The following SF1 variants were observed in gnomAD, a reference collection of about 807,000 sequenced individuals.
SF1 encodes the protein branch point-binding protein.
Under a neutral mutation model 62.5 loss-of-function variants are expected in SF1, and 7 were observed. The observed-to-expected ratio is 0.11, with a 90% confidence interval of 0.06 to 0.21. The LOEUF is 0.21. Among genes scored for constraint, SF1 ranks in the 10% least tolerant of loss-of-function variants. The pLI, the probability that SF1 is intolerant of heterozygous loss-of-function variation, is 1.00. For synonymous variants in SF1, 394 were observed against 323.6 expected (o/e 1.22, Z -2.33); for missense variants, 578 against 884.0 (o/e 0.65, Z 4.39).
intron 1 of SF1, 138 bp from the exon 2 acceptor site, chr11:64,776,764 A>G: frequency 7.7e-6 from 6 of 775,098 alleles, no homozygotes; most frequent in Non-Finnish European, 1.0e-5. Flanking sequence ...ACATTAAAAA[A>G]ACAGAAAACA....
chr11:64,767,708 G>A lies in SF1; in HGVS notation c.1205C>T (p.Pro402Leu). ...GGPHSFPHPL[P>L]SLTGGHGGHP... Reference sequence around the variant, plus strand: ...TCCACCATGCCCACCTGTCAGGCTGGGTAATGGGTGTGGGAAGCTGTGGGG... The same window carrying A: ...TCCACCATGCCCACCTGTCAGGCTGAGTAATGGGTGTGGGAAGCTGTGGGG... The change falls in exon 10 of 13, where the codon CCC becomes CTC. Residue 402 changes from proline to leucine, a missense_variant. By Grantham distance (98) the Pro-to-Leu change is moderately conservative (BLOSUM62 -3). Coordinates refer to ENST00000377390, the MANE Select transcript of SF1 (RefSeq NM_004630.4). The A allele has an allele frequency of 6.2e-7, 1 of 1,612,708 alleles. No homozygotes were observed.
At chr11:64,769,883 C>A (rs958517713) in intron 5 of SF1, 81 bp downstream of exon 5, 2 of 1,075,252 alleles carry the variant, frequency 1.9e-6, no homozygotes, top group Admixed American at 4.3e-5. Flanking sequence ...AGTAAGCCAA[C>A]AGTCCCCAAT....
intron 12 of SF1, 30 bp downstream of exon 12, chr11:64,766,856 CCCCCATCCCACCCA>C: frequency 3.2e-6 from 2 of 617,312 alleles, no homozygotes; most frequent in Non-Finnish European, 2.8e-6. Flanking sequence ...GTCAGCCCCA[CCCCCATCCCACCCA>C]CCCCCACAAG....
rs1208051705 is a variant in SF1, at chr11:64,767,039, CGGCGGCGGCATCATGCCCATAGGT to C, written c.1419_1442del (p.Met475_Pro482del). On this transcript the variant is annotated inframe_deletion, in exon 12 of 13. Transcript: ENST00000377390. The stretch of plus-strand genomic sequence containing the variant: ...GGGGCTGCCCACTGGGAGGCGGCGG[CGGCGGCGGCATCATGCCCATAGGT>C]GGTGGCGGCATCATACCTGTGGACA... 6.4e-7 allele frequency: 1 copy of C among 1,552,172 alleles called. No homozygotes were observed. Among genetic ancestry groups the C allele is most frequent in the Non-Finnish European group, 8.7e-7 (1 of 1,147,256 alleles).
intron 2 of SF1, 174 bp downstream of exon 2, chr11:64,776,324 G>C (rs1039331899): frequency 1.5e-6 from 1 of 651,142 alleles, no homozygotes; most frequent in Non-Finnish European, 2.7e-6. Context: ...ACCAAAACAA[G>C]GAGCTGCAAA....
intron 2 of SF1, 102 bp from the exon 3 acceptor site, chr11:64,773,607 C>CTT: frequency 1.5e-6 from 2 of 1,342,524 alleles, no homozygotes; most frequent in Non-Finnish European, 2.0e-6. Context: ...AACTCGGAGA[C>CTT]TTTGAAAGGG....
intron 3 of SF1, chr11:64,771,809 A>G: frequency 1.0e-6 from 1 of 985,344 alleles, no homozygotes; most frequent in Non-Finnish European, 1.2e-6. Flanking sequence ...GTGATATAAC[A>G]CCTTTTTAAG....
intron 12 of SF1, 39 bp downstream of exon 12, chr11:64,766,861 A>ACAC: frequency 6.3e-6 from 1 of 158,978 alleles, no homozygotes; most frequent in Non-Finnish European, 1.2e-5. Flanking sequence ...CCCCACCCCC[A>ACAC]TCCCACCCAC....
intron 3 of SF1, chr11:64,772,970 G>A: frequency 2.0e-6 from 2 of 989,018 alleles, no homozygotes; most frequent in Non-Finnish European, 2.4e-6. Context: ...TCAAAACCAT[G>A]AGCAGGAAGA....
chr11:64,777,634 C>T (rs1939527552), intron 1 of SF1: 1 of 985,500 alleles, frequency 1.0e-6, no homozygotes, highest in Admixed American at 6.1e-5. Flanking sequence ...TGCTGGCATT[C>T]ACAGCTAGCA....
chr11:64,776,583 G>C lies in SF1; in HGVS notation c.75C>G (p.Asp25Glu). The change falls in exon 2 of 13, where the codon GAC becomes GAG. Residue 25 changes from aspartate to glutamate, a missense_variant. By Grantham distance (45) the Asp-to-Glu change is conservative. Coordinates refer to ENST00000377390, the MANE Select transcript of SF1 (RefSeq NM_004630.4). ...KKRKRSRWNQ[D>E]TMEQKTVIPG... ...GAATCACTGTCTTCTGTTCCATTGT[G>C]TCTTGGTTCCAGCGGCTCCTCTTCC... 1 of 1,592,156 alleles carries C rather than the reference G, an allele frequency of 6.3e-7. No individual in the cohort carries two copies. The highest frequency in any genetic ancestry group is 8.5e-7 in the Non-Finnish European group (1 of 1,172,522).
At chr11:64,775,033 G>T (rs1938957322) in intron 2 of SF1, among the ~76,000 whole-genome samples, 1 of 151,746 alleles carries the variant, frequency 6.6e-6, no homozygotes, top group East Asian at 1.9e-4. Context: ...CAGAAAAGTA[G>T]TAAGACACAT....
chr11:64,769,897 G>T, intron 5 of SF1, 67 bp downstream of exon 5: 1 of 1,216,372 alleles, frequency 8.2e-7, no homozygotes, highest in Non-Finnish European at 1.2e-6. Flanking sequence ...CCCCAATTAG[G>T]CACAAAACGG....
At chr11:64,772,882 C>T in intron 3 of SF1, 2 of 986,292 alleles carry the variant, frequency 2.0e-6, no homozygotes, top group Non-Finnish European at 2.4e-6. Context: ...CCAACACCCC[C>T]AAGGCAATGG....
chr11:64,777,585 G>C (rs1382692095), intron 1 of SF1: 1 of 985,280 alleles, frequency 1.0e-6, no homozygotes, highest in South Asian at 4.7e-5. Flanking sequence ...AAGACCAGAA[G>C]GGAGTCGCTG....
At chr11:64,775,601 C>A (rs1461953798) in intron 2 of SF1, among the ~76,000 whole-genome samples, 1 of 152,174 alleles carries the variant, frequency 6.6e-6, no homozygotes, top group Non-Finnish European at 1.5e-5. Flanking sequence ...GTTGTGAAGG[C>A]CACAGCCTCG....
chr11:64,778,161 GA>G (rs1565591272), intron 1 of SF1, 200 bp downstream of exon 1: 1 of 886,228 alleles, frequency 1.1e-6, no homozygotes, highest in Non-Finnish European at 1.4e-6. Context: ...TGGGGAGGCG[GA>G]GGGGGCGGCG....
At chr11:64,771,677 A>C (rs1938341646) in intron 3 of SF1, 1 of 985,480 alleles carries the variant, frequency 1.0e-6, no homozygotes, top group East Asian at 1.1e-4. Flanking sequence ...AGAGTGAACA[A>C]AAGCAAACAT....
chr11:64,778,060 C>T, intron 1 of SF1: 2 of 1,004,730 alleles, frequency 2.0e-6, no homozygotes, highest in South Asian at 9.0e-5. Flanking sequence ...GCGGCGGCGA[C>T]ACGCGCTGGT....
Sources: allele counts gnomAD v4.1 joint callset (sites outside exome capture counted in the v4.1 genomes callset), GRCh38; gene constraint gnomAD v4.1.1; transcripts MANE v1.5; gene names NCBI Gene and HGNC (gene_info 2026-07-23, HGNC 2026-07-21).